The following TCERG1L variants were observed in gnomAD, a reference collection of about 807,000 sequenced individuals.
The protein encoded by TCERG1L is transcription elongation regulator 1 like.
In TCERG1L, 37 loss-of-function variants were observed where a neutral mutation model predicts 56.3. The ratio of observed to expected loss-of-function variants is 0.66; its 90% CI spans 0.51 to 0.87. The LOEUF (loss-of-function observed/expected upper bound fraction) is 0.87, where lower values mean the gene tolerates loss of function less well. Ranked by LOEUF, TCERG1L falls within the 40% of genes least tolerant of loss-of-function variation. TCERG1L has a pLI of 0.00. For missense variants in TCERG1L, 799 were observed against 774.2 expected (o/e 1.03, Z -0.38); for synonymous variants, 324 against 326.3 (o/e 0.99, Z 0.08).
intron 8 of TCERG1L, among the ~76,000 whole-genome samples, chr10:131,130,793 T>C (rs528799649): frequency 2.6e-5 from 4 of 152,244 alleles, no homozygotes; most frequent in Non-Finnish European, 5.9e-5. Context: ...ACTCCCCCAC[T>C]GATCAGTGGT....
rs201435893 is a variant in TCERG1L at position 131,206,273 on chromosome 10, C to G, written c.857-39388G>C. 3.3e-5 allele frequency among the ~76,000 whole-genome samples: 5 copies of G among 152,176 alleles called. No homozygotes were observed. In the East Asian group the frequency reaches 9.7e-4, roughly 29 times the overall value. On this transcript the variant is annotated intron_variant, in intron 4 of 11. Coordinates refer to ENST00000368642, the MANE Select transcript of TCERG1L (RefSeq NM_174937.4). ...GCTGGTCCTGCGGACCGGCTGGCAG[C>G]CTGGGAGTGGACTCAGGGCACTGGG...
chr10:131,116,966 A>G (rs1426205813), intron 8 of TCERG1L, 32 bp from the exon 9 acceptor site: 2 of 1,587,090 alleles, frequency 1.3e-6, no homozygotes, highest in Admixed American at 3.5e-5. Context: ...AGTTAGACAC[A>G]CTCGTGGGGA....
intron 10 of TCERG1L, among the ~76,000 whole-genome samples, chr10:131,101,483 T>C (rs1348190756): frequency 6.6e-6 from 1 of 152,210 alleles, no homozygotes; most frequent in Non-Finnish European, 1.5e-5. Context: ...AGAGAACAAC[T>C]GGCAACAGCA....
chr10:131,209,254 G>A (rs1056481580), intron 4 of TCERG1L, among the ~76,000 whole-genome samples: 4 of 150,700 alleles, frequency 2.7e-5, no homozygotes, highest in South Asian at 2.2e-4. Flanking sequence ...AACACCTGTC[G>A]TCCCAAGCAT....
intron 3 of TCERG1L, among the ~76,000 whole-genome samples, chr10:131,276,892 C>T (rs1159448057): frequency 6.6e-6 from 1 of 152,170 alleles, no homozygotes; most frequent in Non-Finnish European, 1.5e-5. Flanking sequence ...GCCACTGGAC[C>T]AGGATTCCCT....
chr10:131,108,374 G>C (rs909832886), intron 9 of TCERG1L, among the ~76,000 whole-genome samples: 4 of 152,114 alleles, frequency 2.6e-5, no homozygotes, highest in African/African-American at 9.7e-5. Context: ...CAGCTTTCCT[G>C]GTCCTGGGGG....
intron 3 of TCERG1L, among the ~76,000 whole-genome samples, chr10:131,272,601 AG>A (rs895220705): frequency 2.0e-5 from 3 of 152,226 alleles, no homozygotes; most frequent in South Asian, 2.1e-4. Context: ...CCCAGTGCTC[AG>A]GAAGTGTCTG....
intron 4 of TCERG1L, among the ~76,000 whole-genome samples, chr10:131,167,971 A>C (rs775808753): frequency 2.6e-5 from 4 of 152,188 alleles, no homozygotes; most frequent in Non-Finnish European, 5.9e-5. Context: ...ACAATAGATA[A>C]GTTCTCAAAG....
chr10:131,097,637 G>A (rs1051355189), intron 11 of TCERG1L, among the ~76,000 whole-genome samples: 26 of 152,258 alleles, frequency 1.7e-4, no homozygotes, highest in African/African-American at 6.0e-4. Context: ...GTGAGCCACC[G>A]CGCCCGGCCC....
chr10:131,193,221 TTGAG>T lies in TCERG1L; in HGVS notation c.857-26340_857-26337del, dbSNP rs1023094213. Among the ~76,000 whole-genome samples, 86 of 152,268 alleles carry T rather than the reference TTGAG, an allele frequency of 5.6e-4. 1 individual carries two copies. The highest frequency in any genetic ancestry group is 1.8e-3 in the African/African-American group (74 of 41,564). ...ATGAAATTTATTGTTGTTGTTGTTG[TTGAG>T]TTTTTTTGAGTTCTTTGTATGTCCT... On this transcript the variant is annotated intron_variant, in intron 4 of 11. Transcript: ENST00000368642.
At chr10:131,101,778 G>A (rs745644244) in intron 10 of TCERG1L, among the ~76,000 whole-genome samples, 3 of 151,866 alleles carry the variant, frequency 2.0e-5, no homozygotes, top group Non-Finnish European at 4.4e-5. Context: ...TCGGCTCACT[G>A]CAACCTCTGC....
chr10:131,237,504 G>A (rs551998115), intron 4 of TCERG1L, among the ~76,000 whole-genome samples: 5 of 152,338 alleles, frequency 3.3e-5, no homozygotes, highest in East Asian at 3.9e-4. Context: ...GGAGATAAAC[G>A]AAGCAATGAG....
At chr10:131,188,814 C>T (rs558476952) in intron 4 of TCERG1L, among the ~76,000 whole-genome samples, 2 of 152,254 alleles carry the variant, frequency 1.3e-5, no homozygotes, top group South Asian at 2.1e-4. Flanking sequence ...TGTCTGCCTC[C>T]GCTCCTAAAT....
chr10:131,137,660 C>T (rs1276523641), intron 7 of TCERG1L, among the ~76,000 whole-genome samples: 1 of 152,198 alleles, frequency 6.6e-6, no homozygotes, highest in Admixed American at 6.5e-5. Context: ...CATGCAATTA[C>T]ACACATATTA....
intron 1 of TCERG1L, among the ~76,000 whole-genome samples, chr10:131,309,682 A>G (rs963770862): frequency 6.6e-6 from 1 of 152,068 alleles, no homozygotes; most frequent in Non-Finnish European, 1.5e-5. Context: ...GCTTAGGGCT[A>G]TATTTTATAA....
intron 4 of TCERG1L, among the ~76,000 whole-genome samples, chr10:131,238,615 G>A (rs1438651427): frequency 6.6e-6 from 1 of 152,188 alleles, no homozygotes; most frequent in African/African-American, 2.4e-5. Flanking sequence ...ATTATCTCTG[G>A]TGCTTGTTCA....
Position 131,166,784 on chromosome 10 carries a change from C to G in TCERG1L, c.945+13G>C. On this transcript the variant is annotated intron_variant, in intron 5 of 11. Transcript: ENST00000368642. ...TTTGTGTCTTTAACACACACACGAG[C>G]CCCGAAACTGACCTTGTCTTCTTTG... 2 of 1,613,760 alleles carry G rather than the reference C, an allele frequency of 1.2e-6. No homozygotes were observed. Among genetic ancestry groups the G allele is most frequent in the East Asian group, 2.2e-5 (1 of 44,864 alleles).
At chr10:131,125,695 C>CCGGCT (rs1186682538) in intron 8 of TCERG1L, among the ~76,000 whole-genome samples, 2 of 152,226 alleles carry the variant, frequency 1.3e-5, no homozygotes, top group African/African-American at 2.4e-5. Context: ...GTCGGTTCCG[C>CCGGCT]CAGCTCTGCT....
Position 131,260,353 on chromosome 10 carries a change from C to T in TCERG1L, c.762G>A (p.Glu254=), listed in dbSNP as rs60069204. 6.7e-7 allele frequency: 1 copy of T among 1,488,050 alleles called. No individual in the cohort carries two copies. Among genetic ancestry groups the T allele is most frequent in the South Asian group, 1.4e-5 (1 of 69,532 alleles). The allele number at this position is 1,488,050 out of a possible 1,614,324, so 92.2% of individuals were successfully genotyped here. Residue 254 remains glutamate (E), a synonymous_variant, in exon 4 of 12, where the codon GAG becomes GAA. Transcript: ENST00000368642. This position sits in a 1 kb window ranked among gnomAD's most constrained non-coding sequence, Gnocchi z 5.8. ...AAAAMVSVDP[E]NLRGPSPSSV... ...TGGAGGGGGACGGGCCCCGGAGGTT[C>T]TCAGGGTCCACGGAGACCATGGCAG... is the stretch of plus-strand genomic sequence containing the variant.
Sources: gnomAD v4.1 joint callset for allele counts (sites outside exome capture counted in the v4.1 genomes callset) on GRCh38, gnomAD v4.1.1 for gene constraint, Gnocchi (gnomAD v3.1) non-coding constraint, MANE v1.5 for transcripts, NCBI Gene and HGNC (gene_info 2026-07-23, HGNC 2026-07-21) for gene names.